Variants in SAMMSON observed in about 807,000 individuals in gnomAD.
SAMMSON encodes long intergenic non-protein coding RNA 1212.
At chr3:70,226,031 G>C (rs1701503380) in intron 4 of SAMMSON, among the ~76,000 whole-genome samples, 1 of 152,026 alleles carries the variant, frequency 6.6e-6, no homozygotes, top group Non-Finnish European at 1.5e-5. Flanking sequence ...GAATATGGTA[G>C]GCATTTTCCA....
chr3:70,307,014 G>T (rs956921860), intron 7 of SAMMSON, among the ~76,000 whole-genome samples: 1 of 152,080 alleles, frequency 6.6e-6, no homozygotes, highest in Non-Finnish European at 1.5e-5. Flanking sequence ...CAAATAGAGA[G>T]ATAGAGAGAA....
chr3:70,326,277 C>T (rs184851404), intron 7 of SAMMSON, among the ~76,000 whole-genome samples: 18 of 152,204 alleles, frequency 1.2e-4, no homozygotes, highest in Admixed American at 2.0e-4. Flanking sequence ...GTTTGACATT[C>T]CAGCTATGCC....
intron 7 of SAMMSON, among the ~76,000 whole-genome samples, chr3:70,332,478 C>T (rs989921285): frequency 6.6e-6 from 1 of 152,144 alleles, no homozygotes; most frequent in African/African-American, 2.4e-5. Flanking sequence ...ATCTCAGAAC[C>T]AGTGCCTCAA....
At chr3:70,027,879 G>A (rs902945062) in intron 3 of SAMMSON, among the ~76,000 whole-genome samples, 10 of 152,036 alleles carry the variant, frequency 6.6e-5, no homozygotes, top group African/African-American at 1.4e-4. Flanking sequence ...ATTTCTTTTC[G>A]GGCCCCAGCA....
intron 6 of SAMMSON, among the ~76,000 whole-genome samples, chr3:70,265,896 G>A (rs961927783): frequency 6.6e-6 from 1 of 152,116 alleles, no homozygotes; most frequent in Non-Finnish European, 1.5e-5. Flanking sequence ...TCCCTGTCAC[G>A]AGAACGGCAT....
In SAMMSON at chr3:70,313,315, A is replaced by AT. The variant is rs930089319; in HGVS notation, n.739+22082dup. On this transcript the variant is annotated intron_variant and non_coding_transcript_variant, in intron 7 of 9. Transcript: ENST00000642114. The stretch of plus-strand genomic sequence containing the variant: ...AGACTCCATTTCTACAAAAATTTAA[A>AT]TTTTTTTTTTAAAAGTTAGCTGGGT... 5.3e-5 allele frequency among the ~76,000 whole-genome samples: 8 copies of AT among 150,798 alleles called. No individual in the cohort carries two copies. The East Asian group carries it at 5.9e-4, about 11-fold the overall frequency.
intron 9 of SAMMSON, among the ~76,000 whole-genome samples, chr3:70,373,189 T>C (rs1702985323): frequency 6.6e-6 from 1 of 152,160 alleles, no homozygotes; most frequent in African/African-American, 2.4e-5. Context: ...TTAAATATTC[T>C]GTTTTCCTTT....
chr3:70,245,671 T>TATATA (rs1326051204), intron 4 of SAMMSON, among the ~76,000 whole-genome samples: 1 of 57,222 alleles, frequency 1.7e-5, no homozygotes, highest in Non-Finnish European at 3.4e-5. Flanking sequence ...GCAAACTGCT[T>TATATA]TATATATATA....
At chr3:70,418,960 CTTTCCT>C (rs1286623523) in intron 2 of SAMMSON, among the ~76,000 whole-genome samples, 2,856 of 86,988 alleles carry the variant, frequency 0.033, 34 homozygotes, top group African/African-American at 0.039. Context: ...CTTTCCTTTC[CTTTCCT>C]TTCCTTCCTT....
chr3:70,093,017 T>C (rs2067310572), intron 4 of SAMMSON, among the ~76,000 whole-genome samples: 2 of 150,642 alleles, frequency 1.3e-5, no homozygotes, highest in Non-Finnish European at 1.5e-5. Context: ...GTGAGAACCA[T>C]GGGATGAGAA....
At chr3:70,419,504 A>G (rs113507332) in intron 2 of SAMMSON, among the ~76,000 whole-genome samples, 2 of 152,266 alleles carry the variant, frequency 1.3e-5, no homozygotes, top group Admixed American at 6.5e-5. Context: ...CTGTGATTAG[A>G]TATTTCTATA....
At chr3:70,265,446 C>A (rs757351226) in intron 6 of SAMMSON, among the ~76,000 whole-genome samples, 22 of 152,066 alleles carry the variant, frequency 1.4e-4, no homozygotes, top group Non-Finnish European at 3.2e-4. Flanking sequence ...GATTTGATGA[C>A]CACCACCCCA....
intron 2 of SAMMSON, among the ~76,000 whole-genome samples, chr3:70,413,399 G>T (rs1414818981): frequency 3.3e-5 from 5 of 152,124 alleles, no homozygotes; most frequent in Non-Finnish European, 1.5e-5. Flanking sequence ...AGCTCAAGTG[G>T]ATTCATGCAA....
intron 6 of SAMMSON, among the ~76,000 whole-genome samples, chr3:70,262,059 T>C (rs1701871717): frequency 6.6e-6 from 1 of 152,190 alleles, no homozygotes; most frequent in Non-Finnish European, 1.5e-5. Context: ...GTGTCCTTGC[T>C]GGTCAATCTC....
At chr3:70,377,726 T>C (rs2106749796) in intron 9 of SAMMSON, among the ~76,000 whole-genome samples, 1 of 152,066 alleles carries the variant, frequency 6.6e-6, no homozygotes, top group Admixed American at 6.6e-5. Context: ...TTACAACACA[T>C]ATGGCAGAAA....
intron 3 of SAMMSON, among the ~76,000 whole-genome samples, chr3:70,070,774 A>G (rs1353195738): frequency 6.6e-6 from 1 of 152,028 alleles, no homozygotes; most frequent in Non-Finnish European, 1.5e-5. Context: ...GCAATACTGT[A>G]TTGAGGTGTA....
intron 4 of SAMMSON, among the ~76,000 whole-genome samples, chr3:70,154,783 T>C (rs752175397): frequency 2.0e-5 from 3 of 152,044 alleles, no homozygotes; most frequent in African/African-American, 7.2e-5. Flanking sequence ...TAGTCACTTA[T>C]GGTGGAATCT....
chr3:70,338,642 C>A (rs1310525968), intron 7 of SAMMSON, among the ~76,000 whole-genome samples: 1 of 152,038 alleles, frequency 6.6e-6, no homozygotes, highest in Non-Finnish European at 1.5e-5. Flanking sequence ...GAGTGAACTC[C>A]CATTCACAAC....
At chr3:70,360,364 T>C (rs1390013650) in intron 9 of SAMMSON, among the ~76,000 whole-genome samples, 2 of 152,124 alleles carry the variant, frequency 1.3e-5, no homozygotes, top group South Asian at 2.1e-4. Flanking sequence ...TTAGAAACAA[T>C]GTTAAGTGGT....
Sources: gnomAD v4.1 joint callset for allele counts (sites outside exome capture counted in the v4.1 genomes callset) on GRCh38, gnomAD v4.1.1 for gene constraint, MANE v1.5 for transcripts, NCBI Gene and HGNC (gene_info 2026-07-23, HGNC 2026-07-21) for gene names.